LRRIQ3: variants seen among roughly 807,000 people sequenced by gnomAD.
The protein encoded by LRRIQ3 is leucine-rich repeat and IQ domain-containing protein 3.
In LRRIQ3, 75 loss-of-function variants were observed where a neutral mutation model predicts 59.3. The observed-to-expected ratio is 1.26, with a 90% CI of 1.05 to 1.53. The LOEUF is 1.53. LRRIQ3 is among the 40% of genes most tolerant of loss of function. The probability of loss-of-function intolerance (pLI) is 0.00; values close to 1 mark genes in which losing one functional copy is unlikely to be tolerated. For synonymous variants in LRRIQ3, 250 were observed against 231.3 expected (o/e 1.08, Z -0.73); for missense variants, 831 against 710.0 (o/e 1.17, Z -1.94).
chr1:74,076,272 T>C (rs1570074824), intron 5 of LRRIQ3, among the ~76,000 whole-genome samples: 1 of 152,174 alleles, frequency 6.6e-6, no homozygotes, highest in Non-Finnish European at 1.5e-5. Flanking sequence ...CTTTCTGAGA[T>C]CTTTGGTTTT....
intron 5 of LRRIQ3, among the ~76,000 whole-genome samples, chr1:74,078,480 C>T (rs536097094): frequency 2.6e-5 from 4 of 151,880 alleles, no homozygotes; most frequent in South Asian, 2.1e-4. Flanking sequence ...GGGCAACATA[C>T]GCTTAATCAC....
intron 3 of LRRIQ3, among the ~76,000 whole-genome samples, chr1:74,173,253 C>A (rs1462498516): frequency 6.8e-6 from 1 of 147,542 alleles, no homozygotes; most frequent in Non-Finnish European, 1.5e-5. Flanking sequence ...GCCGAGATCA[C>A]GCCACTGCAC....
chr1:74,196,855 A>G (rs572509536), intron 1 of LRRIQ3, among the ~76,000 whole-genome samples: 1 of 152,296 alleles, frequency 6.6e-6, no homozygotes, highest in South Asian at 2.1e-4. Context: ...CCCTGCTTCT[A>G]TCATTGCCTC....
At chr1:74,151,898 T>C (rs1204455007) in intron 4 of LRRIQ3, among the ~76,000 whole-genome samples, 3 of 152,030 alleles carry the variant, frequency 2.0e-5, no homozygotes, top group African/African-American at 7.3e-5. Context: ...ATAGGAGTAG[T>C]TTTAAATACT....
chr1:74,047,307 C>A (rs1272100616), intron 6 of LRRIQ3, among the ~76,000 whole-genome samples: 1 of 152,070 alleles, frequency 6.6e-6, no homozygotes. Context: ...ATGGATGACA[C>A]TGGAAACCAT....
At chr1:74,044,534 C>T (rs1406914725) in intron 6 of LRRIQ3, among the ~76,000 whole-genome samples, 1 of 151,830 alleles carries the variant, frequency 6.6e-6, no homozygotes, top group African/African-American at 2.4e-5. Flanking sequence ...AAATTTACAC[C>T]CTAATATCAC....
intron 7 of LRRIQ3, among the ~76,000 whole-genome samples, chr1:74,027,962 A>G (rs1185385166): frequency 1.3e-5 from 2 of 152,122 alleles, no homozygotes; most frequent in Non-Finnish European, 2.9e-5. Flanking sequence ...GGAGGGGAAG[A>G]TAAAAAAAAG....
chr1:74,163,318 C>T (rs189432000), intron 3 of LRRIQ3, among the ~76,000 whole-genome samples: 129 of 151,364 alleles, frequency 8.5e-4, no homozygotes, highest in African/African-American at 3.0e-3. Flanking sequence ...GTGAAACTTC[C>T]CACACTAGCA....
At chr1:74,101,615 T>C (rs1263759726) in intron 5 of LRRIQ3, among the ~76,000 whole-genome samples, 1 of 152,198 alleles carries the variant, frequency 6.6e-6, no homozygotes, top group African/African-American at 2.4e-5. Flanking sequence ...CACATGTATG[T>C]TTATTGTGGC....
intron 4 of LRRIQ3, among the ~76,000 whole-genome samples, chr1:74,124,322 T>A (rs1646904438): frequency 6.6e-6 from 1 of 151,992 alleles, no homozygotes; most frequent in Non-Finnish European, 1.5e-5. Context: ...GGTTGTCTCT[T>A]CATTTTATTG....
intron 4 of LRRIQ3, among the ~76,000 whole-genome samples, chr1:74,133,485 G>A (rs1446242771): frequency 4.6e-5 from 7 of 151,944 alleles, no homozygotes; most frequent in Non-Finnish European, 8.8e-5. Context: ...ATGATAGACT[G>A]GATTAAGAAA....
chr1:74,102,936 G>C (rs1323020196), intron 5 of LRRIQ3, among the ~76,000 whole-genome samples: 1 of 151,932 alleles, frequency 6.6e-6, no homozygotes, highest in African/African-American at 2.4e-5. Context: ...CTCCAGAAAG[G>C]GCTATAGCCT....
chr1:74,031,711 T>A (rs961549832), intron 7 of LRRIQ3, among the ~76,000 whole-genome samples: 11 of 151,994 alleles, frequency 7.2e-5, no homozygotes, highest in Non-Finnish European at 1.6e-4. Context: ...TGTATACATA[T>A]GTAACAAACC....
intron 3 of LRRIQ3, chr1:74,180,885 T>C: frequency 8.2e-7 from 1 of 1,221,892 alleles, no homozygotes; most frequent in Non-Finnish European, 1.1e-6. Flanking sequence ...TCTCTACCCC[T>C]TTCAGTCTGT....
Position 74,041,766 on chromosome 1 carries a change from G to A in LRRIQ3, c.1165C>T (p.His389Tyr). Residue 389 changes from histidine (H) to tyrosine (Y), a missense_variant, in exon 7 of 8, where the codon CAT becomes TAT. Coordinates refer to ENST00000354431, the MANE Select transcript of LRRIQ3 (RefSeq NM_001105659.2). ...PAYPQPIYTT[H>Y]PKPIIKKDIR... Reference sequence around the variant, plus strand: ...TCTTTTTTAATGATTGGCTTTGGATGAGTAGTATAGATTGGCTGAGGATAT... The same window carrying A: ...TCTTTTTTAATGATTGGCTTTGGATAAGTAGTATAGATTGGCTGAGGATAT... The A allele has an allele frequency of 6.2e-7, 1 of 1,613,588 alleles. No homozygotes were observed. Among genetic ancestry groups the A allele is most frequent in the Non-Finnish European group, 8.5e-7 (1 of 1,179,752 alleles).
intron 3 of LRRIQ3, among the ~76,000 whole-genome samples, chr1:74,170,969 A>AT (rs1314057094): frequency 1.3e-5 from 2 of 152,004 alleles, no homozygotes; most frequent in South Asian, 2.1e-4. Context: ...TCCTTTTCAG[A>AT]TTTTTTATTA....
intron 4 of LRRIQ3, among the ~76,000 whole-genome samples, chr1:74,142,762 C>T (rs925646414): frequency 2.0e-5 from 3 of 151,940 alleles, no homozygotes; most frequent in African/African-American, 4.8e-5. Context: ...TTAGGGCATG[C>T]GTCAAGGCCA....
At chr1:74,177,311 T>C (rs1241020479) in intron 3 of LRRIQ3, among the ~76,000 whole-genome samples, 6 of 152,106 alleles carry the variant, frequency 3.9e-5, no homozygotes, top group Non-Finnish European at 7.4e-5. Flanking sequence ...CCCTCAAACA[T>C]TGGACTCCAA....
At chr1:74,105,346 GA>G (rs1646596424) in intron 5 of LRRIQ3, among the ~76,000 whole-genome samples, 1 of 151,450 alleles carries the variant, frequency 6.6e-6, no homozygotes, top group East Asian at 1.9e-4. Flanking sequence ...CCGCCTCTGG[GA>G]TTCAAGTGAT....
Sources: gnomAD v4.1 joint callset for allele counts (sites outside exome capture counted in the v4.1 genomes callset) on GRCh38, gnomAD v4.1.1 for gene constraint, MANE v1.5 for transcripts, NCBI Gene and HGNC (gene_info 2026-07-23, HGNC 2026-07-21) for gene names.